The following PHF6 variants were observed in gnomAD, a reference collection of about 807,000 sequenced individuals.
PHF6 encodes the protein PHD-like zinc finger protein.
A neutral mutation model predicts 34.0 loss-of-function variants in PHF6; 7 were observed. The observed-to-expected ratio is 0.21, with a 90% CI of 0.12 to 0.39. The LOEUF (loss-of-function observed/expected upper bound fraction) is 0.39, where lower values mean the gene tolerates loss of function less well. PHF6 is among the 10% of genes least tolerant of loss of function. PHF6 has a pLI of 1.00. For missense variants in PHF6, 128 were observed against 262.8 expected, an observed-to-expected ratio of 0.49 and a Z score of 3.55; for synonymous variants, 89 against 88.4, an observed-to-expected ratio of 1.01 and a Z score of -0.04.
chrX:134,389,166 C>G (rs2077343428), intron 3 of PHF6, among the ~76,000 whole-genome samples: 1 of 111,051 alleles, frequency 9.0e-6, no homozygotes, highest in African/African-American at 3.3e-5. Flanking sequence ...GTTTTCACCT[C>G]TATCTAAATC....
chrX:134,424,122 GA>G (rs747841603), intron 9 of PHF6, among the ~76,000 whole-genome samples: 125 of 103,379 alleles, frequency 1.2e-3, no homozygotes, highest in Non-Finnish European at 2.0e-3. Context: ...AAAAAAAAAA[GA>G]AAAAAAAAAC....
chrX:134,411,516 CTTAT>C (rs1422076277), intron 5 of PHF6, among the ~76,000 whole-genome samples: 19 of 109,123 alleles, frequency 1.7e-4, no homozygotes, highest in Admixed American at 2.9e-4. Context: ...TATTAAACAT[CTTAT>C]TTGTTTATTG....
Position 134,426,769 on chromosome X carries a change from C to G in PHF6, c.*1109C>G, listed in dbSNP as rs1253778092. On this transcript the variant is annotated 3_prime_UTR_variant, in exon 11 of 11. Transcript: ENST00000370803. ...CAGCTTTTTAGAAAGGATTTTCACACTGGCATTTCTAGGTAGTGATATTTT... is the reference window on the plus strand; with the variant it reads ...CAGCTTTTTAGAAAGGATTTTCACAGTGGCATTTCTAGGTAGTGATATTTT... 6.2e-6 allele frequency: 1 copy of G among 160,249 alleles called. No homozygotes were observed. Among genetic ancestry groups the G allele is most frequent in the East Asian group, 9.2e-5 (1 of 10,819 alleles). 13.2% of individuals were successfully genotyped at this position (160,249 alleles called of 1,213,427 possible).
chrX:134,399,091 G>A (rs1222187128), intron 5 of PHF6, among the ~76,000 whole-genome samples: 2 of 111,262 alleles, frequency 1.8e-5, no homozygotes, highest in African/African-American at 6.5e-5. Flanking sequence ...AGAGAGGTAG[G>A]AGGAAAGTCA....
rs2077514464 is a variant in PHF6 at position 134,428,494 on chromosome X, T to C, written c.*2834T>C. 6.3e-6 allele frequency: 1 copy of C among 157,681 alleles called. No individual in the cohort carries two copies. Among genetic ancestry groups the C allele is most frequent in the South Asian group, 3.3e-4 (1 of 3,069 alleles). The allele number at this position is 157,681 out of a possible 1,213,427, so 13.0% of individuals were successfully genotyped here. A position where few individuals can be genotyped will look rare whatever the true frequency, so the allele number is the denominator to read the frequency against. ...ATCAGAATCTGTGTACTTGAACAAA[T>C]GTGTGAATCTCAAATATCTCAAAGC... is the stretch of plus-strand genomic sequence containing the variant. On this transcript the variant is annotated 3_prime_UTR_variant, in exon 11 of 11. Transcript: ENST00000370803.
chrX:134,423,861 A>G (rs2077499453), intron 9 of PHF6, among the ~76,000 whole-genome samples: 2 of 110,888 alleles, frequency 1.8e-5, no homozygotes, highest in African/African-American at 6.6e-5. Flanking sequence ...TATGTATAAT[A>G]GACATAAAAC....
chrX:134,393,679 CT>C (rs769962447), intron 4 of PHF6, 45 bp downstream of exon 4: 1 of 1,049,638 alleles, frequency 9.5e-7, no homozygotes, highest in East Asian at 3.1e-5. Context: ...AACAATAATA[CT>C]TTCTTTGGGC....
rs930299267 is a variant in PHF6 at position 134,400,920 on chromosome X, A to G, written c.418+6968A>G. On this transcript the variant is annotated intron_variant, in intron 5 of 10. Transcript: ENST00000370803. ...GATATGGGAGTTTAGGATATTTGCA[A>G]GAGAGCAGTTTGAGCAAGATAGGGA... Among the ~76,000 whole-genome samples the G allele has an allele frequency of 4.5e-5, 5 of 111,778 alleles. 1 individual carries two copies. In the South Asian group the frequency reaches 1.5e-3, roughly 33 times the overall value.
intron 5 of PHF6, among the ~76,000 whole-genome samples, chrX:134,406,059 T>C (rs1472937478): frequency 2.3e-5 from 2 of 86,131 alleles, no homozygotes; most frequent in Non-Finnish European, 4.5e-5. Context: ...CTGTCCTTTT[T>C]CTTTTTCTTT....
At chrX:134,388,307 C>T (rs1432861570) in intron 3 of PHF6, among the ~76,000 whole-genome samples, 1 of 111,761 alleles carries the variant, frequency 8.9e-6, no homozygotes, top group East Asian at 2.8e-4. Flanking sequence ...AAACAAAAAG[C>T]CAAGCACCTG....
chrX:134,399,740 G>A (rs1368840727), intron 5 of PHF6, among the ~76,000 whole-genome samples: 1 of 110,084 alleles, frequency 9.1e-6, no homozygotes, highest in East Asian at 2.8e-4. Flanking sequence ...CCACACCAGA[G>A]TGGTACGCTT....
In PHF6 at chrX:134,426,146, C is replaced by T. The variant is rs752220380; in HGVS notation, c.*486C>T. The T allele has an allele frequency of 3.8e-5, 6 of 157,547 alleles. No homozygotes were observed. Among genetic ancestry groups the T allele is most frequent in the African/African-American group, 1.8e-4 (6 of 32,884 alleles). 13.0% of individuals were successfully genotyped at this position (157,547 alleles called of 1,213,427 possible). ...TAGAAATGAAGAGAACCTTCTTTTT[C>T]TCTTGACTTTGACAGCACATGCTAA... On this transcript the variant is annotated 3_prime_UTR_variant, in exon 11 of 11. Coordinates refer to ENST00000370803, the MANE Select transcript of PHF6 (RefSeq NM_001015877.2).
At chrX:134,377,524 C>A (rs2077282993) in intron 1 of PHF6, 48 bp from the exon 2 acceptor site, 1 of 963,271 alleles carries the variant, frequency 1.0e-6, no homozygotes, top group Non-Finnish European at 1.4e-6. Flanking sequence ...TATGTATAAA[C>A]TGATTTTAAA....
Position 134,390,216 on chromosome X carries a change from T to G in PHF6, c.241-3285T>G, listed in dbSNP as rs751557561. 6.2e-5 allele frequency among the ~76,000 whole-genome samples: 7 copies of G among 112,081 alleles called. No homozygotes were observed. The East Asian group carries it at 2.0e-3, about 31-fold the overall frequency. The stretch of plus-strand genomic sequence containing the variant: ...TATTTTGGCTTTATTATGGATAATT[T>G]TTGCTATTTTGTTAGTACCTTGCCA... On this transcript the variant is annotated intron_variant, in intron 3 of 10. Coordinates refer to ENST00000370803, the MANE Select transcript of PHF6 (RefSeq NM_001015877.2).
At chrX:134,398,326 G>C (rs776038335) in intron 5 of PHF6, among the ~76,000 whole-genome samples, 1 of 111,780 alleles carries the variant, frequency 8.9e-6, no homozygotes, top group African/African-American at 3.2e-5. Context: ...GAATTTCAAG[G>C]CTGCAGGGAG....
chrX:134,381,683 C>T (rs752943687), intron 3 of PHF6, among the ~76,000 whole-genome samples: 5 of 109,749 alleles, frequency 4.6e-5, no homozygotes, highest in Non-Finnish European at 5.7e-5. Context: ...TTAGTAGAGA[C>T]GGGGTTTCAC....
chrX:134,410,807 C>T (rs1029068471), intron 5 of PHF6, among the ~76,000 whole-genome samples: 2 of 107,781 alleles, frequency 1.9e-5, no homozygotes, highest in Non-Finnish European at 3.8e-5. Context: ...GACACCATAC[C>T]CAGCTAATTT....
intron 5 of PHF6, among the ~76,000 whole-genome samples, chrX:134,410,796 C>T (rs995894737): frequency 6.0e-4 from 65 of 107,623 alleles, no homozygotes; most frequent in Non-Finnish European, 5.6e-4. Context: ...AACAGGCACG[C>T]GACACCATAC....
chrX:134,386,443 A>T lies in PHF6; in HGVS notation c.241-7058A>T, dbSNP rs1292178772. Among the ~76,000 whole-genome samples the T allele has an allele frequency of 3.9e-5, 4 of 102,347 alleles. No homozygotes were observed. The East Asian group carries it at 9.1e-4, about 23-fold the overall frequency. The allele number at this position is 102,347 out of a possible 115,157, so 88.9% of individuals were successfully genotyped here. On this transcript the variant is annotated intron_variant, in intron 3 of 10. Transcript: ENST00000370803. ...TTTTTTTTTTTTTAGACTGAGTCTC[A>T]CTCTGTCGCCAGGCTGGAGTGCAGT...
Sources: gnomAD v4.1 joint callset for allele counts (sites outside exome capture counted in the v4.1 genomes callset) on GRCh38, gnomAD v4.1.1 for gene constraint, MANE v1.5 for transcripts, NCBI Gene and HGNC (gene_info 2026-07-23, HGNC 2026-07-21) for gene names.